Variants in CEP350 observed in about 807,000 individuals in gnomAD.
CEP350 encodes the protein centrosome-associated protein 350.
In CEP350, 126 loss-of-function variants were observed where a neutral mutation model predicts 331.8. The ratio of observed to expected loss-of-function variants is 0.38; its 90% CI spans 0.33 to 0.44. The LOEUF (loss-of-function observed/expected upper bound fraction) is 0.44, where lower values mean the gene tolerates loss of function less well. CEP350 is among the 20% of genes least tolerant of loss of function. The pLI, the probability that CEP350 is intolerant of heterozygous loss-of-function variation, is 1.00. For missense variants in CEP350, 3,406 were observed against 3,634.6 expected (o/e 0.94, Z 1.62); for synonymous variants, 1,200 against 1,259.5 (o/e 0.95, Z 1.00).
At chr1:180,073,952 T>C (rs1362648226) in intron 27 of CEP350, 4 of 1,298,196 alleles carry the variant, frequency 3.1e-6, no homozygotes, top group South Asian at 2.5e-5. Context: ...TAGAGCATGC[T>C]CTGTTCTTTT....
At chr1:179,995,494 A>G (rs1331902189) in intron 5 of CEP350, among the ~76,000 whole-genome samples, 5 of 152,044 alleles carry the variant, frequency 3.3e-5, no homozygotes, top group Non-Finnish European at 7.4e-5. Context: ...AATCCCAGCT[A>G]CTCGGGAGGC....
Position 180,090,174 on chromosome 1 carries a change from G to A in CEP350, c.6426-540G>A, listed in dbSNP as rs532036342. On this transcript the variant is annotated intron_variant, in intron 32 of 37. Coordinates refer to ENST00000367607, the MANE Select transcript of CEP350 (RefSeq NM_014810.5). ...TTGCATGTAAAAGTTTGAAGGTAAAGTTCATGCCTGTTGGCCTCTGTTTTT... is the reference window on the plus strand; with the variant it reads ...TTGCATGTAAAAGTTTGAAGGTAAAATTCATGCCTGTTGGCCTCTGTTTTT... Among the ~76,000 whole-genome samples the A allele has an allele frequency of 2.2e-4, 34 of 152,290 alleles. No individual in the cohort carries two copies. The East Asian group carries it at 6.6e-3, about 29-fold the overall frequency.
chr1:180,052,897 C>T, intron 22 of CEP350, 73 bp from the exon 23 acceptor site: 1 of 583,048 alleles, frequency 1.7e-6, no homozygotes, highest in Non-Finnish European at 3.1e-6. Flanking sequence ...CATAAAGAGG[C>T]AAAGGGCTAT....
chr1:179,969,085 GTCTC>G, intron 1 of CEP350: 1 of 697,528 alleles, frequency 1.4e-6, no homozygotes, highest in Non-Finnish European at 2.7e-6. Context: ...GTAACACAGA[GTCTC>G]CTTTGCGCTG....
In CEP350 at chr1:180,002,352, T is replaced by G. The variant is rs114278169; in HGVS notation, c.1019-822T>G. On this transcript the variant is annotated intron_variant, in intron 6 of 37. Transcript: ENST00000367607. ...ATCCAGGAATGGTGGTGTGTGCCTGTAGCACCAGCTGCTTGGGAGGCTGAG... is the reference window on the plus strand; with the variant it reads ...ATCCAGGAATGGTGGTGTGTGCCTGGAGCACCAGCTGCTTGGGAGGCTGAG... Among the ~76,000 whole-genome samples the G allele has an allele frequency of 6.4e-3, 977 of 152,234 alleles. 4 individuals are homozygous for G. Among genetic ancestry groups the G allele is most frequent in the South Asian group, 7.7e-3 (37 of 4,818 alleles).
At chr1:180,083,607 G>A (rs1659692077) in intron 30 of CEP350, among the ~76,000 whole-genome samples, 1 of 152,148 alleles carries the variant, frequency 6.6e-6, no homozygotes, top group Non-Finnish European at 1.5e-5. Flanking sequence ...ATTAAATTAT[G>A]TATTAATAAC....
At chr1:180,090,894 A>G in intron 33 of CEP350, 98 bp downstream of exon 33, 5 of 1,041,098 alleles carry the variant, frequency 4.8e-6, no homozygotes, top group Non-Finnish European at 6.4e-6. Flanking sequence ...TTTATTAAAA[A>G]GTGAATTTCT....
chr1:179,959,088 T>C (rs1650390901), intron 1 of CEP350, among the ~76,000 whole-genome samples: 1 of 151,292 alleles, frequency 6.6e-6, no homozygotes, highest in Non-Finnish European at 1.5e-5. Context: ...AAATGTATTT[T>C]TGAATGTGAT....
chr1:180,046,840 T>C (rs1268058043), intron 21 of CEP350, among the ~76,000 whole-genome samples: 2 of 152,196 alleles, frequency 1.3e-5, no homozygotes, highest in East Asian at 3.9e-4. Context: ...TACAAGTTTA[T>C]TGAGTGAATG....
intron 22 of CEP350, among the ~76,000 whole-genome samples, chr1:180,051,862 G>C (rs1380601265): frequency 1.3e-5 from 2 of 152,088 alleles, no homozygotes; most frequent in Non-Finnish European, 2.9e-5. Flanking sequence ...TTTTCACAGG[G>C]GTACAGGTTA....
intron 32 of CEP350, 91 bp downstream of exon 32, chr1:180,087,808 G>A: frequency 8.3e-7 from 1 of 1,198,614 alleles, no homozygotes; most frequent in South Asian, 2.9e-5. Context: ...TTAAGTAACT[G>A]AAATTACAGA....
chr1:180,060,526 G>A (rs1351108756), intron 25 of CEP350, among the ~76,000 whole-genome samples: 3 of 152,098 alleles, frequency 2.0e-5, no homozygotes, highest in African/African-American at 4.8e-5. Context: ...GTGGTGGCAC[G>A]TGCTTGTAGT....
intron 10 of CEP350, 92 bp from the exon 11 acceptor site, chr1:180,015,757 T>G (rs1654933466): frequency 1.4e-6 from 2 of 1,398,306 alleles, no homozygotes; most frequent in African/African-American, 1.5e-5. Context: ...ATGATCTTTG[T>G]AGAGCTGAGG....
chr1:180,042,974 T>C (rs930953265), intron 19 of CEP350, 82 bp from the exon 20 acceptor site: 10 of 1,455,320 alleles, frequency 6.9e-6, no homozygotes, highest in African/African-American at 1.4e-5. Context: ...GTGATCTTTC[T>C]TTCCAAGACA....
intron 25 of CEP350, among the ~76,000 whole-genome samples, chr1:180,058,864 A>T (rs548875826): frequency 6.6e-6 from 1 of 152,190 alleles, no homozygotes; most frequent in South Asian, 2.1e-4. Flanking sequence ...CTTTTGACTG[A>T]TAGTGAAATG....
intron 14 of CEP350, among the ~76,000 whole-genome samples, chr1:180,028,669 T>G (rs73034472): frequency 0.017 from 2,551 of 151,932 alleles, 74 homozygotes; most frequent in African/African-American, 0.058. Context: ...CCAGGCGTGG[T>G]GGCGCACACC....
At chr1:180,015,335 T>C (rs924246143) in intron 10 of CEP350, among the ~76,000 whole-genome samples, 1 of 152,012 alleles carries the variant, frequency 6.6e-6, no homozygotes, top group Non-Finnish European at 1.5e-5. Flanking sequence ...CCGGGGTTCA[T>C]GCCATTCTCC....
intron 15 of CEP350, among the ~76,000 whole-genome samples, chr1:180,032,308 T>G (rs1388815322): frequency 1.3e-5 from 2 of 152,136 alleles, no homozygotes; most frequent in East Asian, 3.8e-4. Context: ...CACATAAAGA[T>G]TACCATTTTT....
chr1:180,067,715 C>G (rs1239010482), intron 27 of CEP350, among the ~76,000 whole-genome samples: 1 of 152,060 alleles, frequency 6.6e-6, no homozygotes, highest in Admixed American at 6.5e-5. Flanking sequence ...TGAGGATGAA[C>G]TAAAGTATTT....
Sources: gnomAD v4.1 joint callset for allele counts (sites outside exome capture counted in the v4.1 genomes callset) on GRCh38, gnomAD v4.1.1 for gene constraint, MANE v1.5 for transcripts, NCBI Gene and HGNC (gene_info 2026-07-23, HGNC 2026-07-21) for gene names.